Variants in PRELID2 observed in about 807,000 individuals in gnomAD.
The protein encoded by PRELID2 is PRELI domain-containing protein 2.
In PRELID2, 25 loss-of-function variants were observed where a neutral mutation model predicts 28.4. The observed-to-expected ratio is 0.88, with a 90% CI of 0.64 to 1.23. The LOEUF (loss-of-function observed/expected upper bound fraction) is 1.23. PRELID2 is among the 50% of genes most tolerant of loss of function. PRELID2 has a pLI of 0.00. For missense variants in PRELID2, 201 were observed against 214.4 expected, an observed-to-expected ratio of 0.94 and a Z score of 0.39; for synonymous variants, 76 against 71.6, an observed-to-expected ratio of 1.06 and a Z score of -0.31.
chr5:145,776,401 A>T (rs1473041342), intron 5 of PRELID2, among the ~76,000 whole-genome samples: 4 of 152,190 alleles, frequency 2.6e-5, no homozygotes, highest in African/African-American at 9.7e-5. Flanking sequence ...GACAATTCAG[A>T]TATGTTGAAG....
At chr5:145,372,868 A>C in the PRELID2 span, among the ~76,000 whole-genome samples, 2 of 105,382 alleles carry the variant, frequency 1.9e-5, no homozygotes, top group African/African-American at 3.4e-5. Flanking sequence ...TATTATATTA[A>C]TATATAATAT....
chr5:145,508,736 CT>C (rs2126639352), intron 1 of PRELID2, among the ~76,000 whole-genome samples: 1 of 152,198 alleles, frequency 6.6e-6, no homozygotes, highest in African/African-American at 2.4e-5. Context: ...TTGTTTACAT[CT>C]CAAGAGTTCT....
intron 1 of PRELID2, among the ~76,000 whole-genome samples, chr5:145,520,087 C>T (rs1286708568): frequency 6.6e-6 from 1 of 152,152 alleles, no homozygotes; most frequent in African/African-American, 2.4e-5. Context: ...GCAAAGCCAC[C>T]TATTTAGGTG....
chr5:145,753,103 C>T (rs953861787), downstream of PRELID2, among the ~76,000 whole-genome samples: 3 of 152,122 alleles, frequency 2.0e-5, no homozygotes, highest in Non-Finnish European at 2.9e-5. Flanking sequence ...ATCCTGGCAC[C>T]GGCACAAAGA....
the PRELID2 span, among the ~76,000 whole-genome samples, chr5:145,274,792 C>T: frequency 7.9e-5 from 12 of 152,024 alleles, no homozygotes; most frequent in Non-Finnish European, 2.9e-5. Context: ...GTAGAGAATG[C>T]GAGTCAATTA....
chr5:145,740,594 T>TATATATATATTATATATATAA, intron 1 of PRELID2, among the ~76,000 whole-genome samples: 1 of 1,934 alleles, frequency 5.2e-4, no homozygotes, highest in South Asian at 0.011. Context: ...TATATATAAA[T>TATATATATATTATATATATAA]ATATATATAT....
chr5:145,536,558 G>A (rs536897455), intron 1 of PRELID2, among the ~76,000 whole-genome samples: 182 of 151,934 alleles, frequency 1.2e-3, no homozygotes, highest in African/African-American at 4.1e-3. Flanking sequence ...TATTTCCTAT[G>A]TGGAGGGAAA....
At chr5:145,453,466 T>C in the PRELID2 span, among the ~76,000 whole-genome samples, 2 of 152,194 alleles carry the variant, frequency 1.3e-5, no homozygotes, top group African/African-American at 2.4e-5. Flanking sequence ...ATTTCGTTTA[T>C]TTATATTTTT....
Position 145,741,490 on chromosome 5 carries a change from A to ACTT in PRELID2, n.70+23440_70+23441insAAG, listed in dbSNP as rs1561567892. Among the ~76,000 whole-genome samples the ACTT allele has an allele frequency of 4.5e-3, 548 of 120,568 alleles. 30 individuals carry two copies. Among genetic ancestry groups the ACTT allele is most frequent in the African/African-American group, 0.018 (532 of 29,432 alleles). 79.1% of individuals were successfully genotyped at this position (120,568 alleles called of 152,430 possible). On this transcript the variant is annotated intron_variant and non_coding_transcript_variant, in intron 1 of 2. Coordinates refer to the PRELID2 transcript ENST00000510259. Reference sequence around the variant, plus strand: ...TATAAACAAAATTTATTTATAAATAAATTATATATAAAATTTATTTATAAA... The same window carrying ACTT: ...TATAAACAAAATTTATTTATAAATAACTTATTATATATAAAATTTATTTATAAA...
At chr5:145,488,769 C>T (rs189419936) in intron 1 of PRELID2, among the ~76,000 whole-genome samples, 1 of 152,216 alleles carries the variant, frequency 6.6e-6, no homozygotes, top group Non-Finnish European at 1.5e-5. Context: ...TCTATACAAT[C>T]GAGTTCATGG....
chr5:145,543,418 A>G (rs1371327433), intron 1 of PRELID2, among the ~76,000 whole-genome samples: 1 of 152,122 alleles, frequency 6.6e-6, no homozygotes, highest in Admixed American at 6.6e-5. Context: ...TATATTATAC[A>G]TGGATTTTTA....
the PRELID2 span, among the ~76,000 whole-genome samples, chr5:145,422,355 T>C: frequency 2.0e-5 from 3 of 152,126 alleles, no homozygotes; most frequent in Admixed American, 6.5e-5. Context: ...CCATTATTAA[T>C]GTGTGGGAGT....
the PRELID2 span, among the ~76,000 whole-genome samples, chr5:145,387,543 A>C: frequency 5.9e-5 from 9 of 152,204 alleles, no homozygotes; most frequent in African/African-American, 2.2e-4. Context: ...TCAATTAACC[A>C]GTAAAATGTC....
At chr5:145,591,887 C>A (rs1212252968) in intron 1 of PRELID2, among the ~76,000 whole-genome samples, 2 of 152,306 alleles carry the variant, frequency 1.3e-5, no homozygotes, top group East Asian at 3.9e-4. Flanking sequence ...TTAATGGCCA[C>A]TTGGTGATGA....
chr5:145,637,056 A>G (rs976964515), intron 1 of PRELID2, among the ~76,000 whole-genome samples: 5 of 152,142 alleles, frequency 3.3e-5, no homozygotes, highest in Non-Finnish European at 7.3e-5. Context: ...AATAAAGGTC[A>G]TATGCCTCAG....
At position 145,568,666 on chromosome 5, in the gene PRELID2, A is replaced by T. The variant is rs573221475; in HGVS notation, n.71-95351T>A. Reference sequence around the variant, plus strand: ...GGAGAAAGATAGTGTTTGCTATTGCACTTTTAGGTCTTCTTCTCCCTGGCC... The same window carrying T: ...GGAGAAAGATAGTGTTTGCTATTGCTCTTTTAGGTCTTCTTCTCCCTGGCC... On this transcript the variant is annotated intron_variant and non_coding_transcript_variant, in intron 1 of 2. Coordinates refer to the PRELID2 transcript ENST00000510259. Among the ~76,000 whole-genome samples the T allele has an allele frequency of 9.2e-5, 14 of 152,342 alleles. No homozygotes were observed. The South Asian group carries it at 2.9e-3, about 32-fold the overall frequency.
At chr5:145,452,732 G>T in the PRELID2 span, among the ~76,000 whole-genome samples, 1 of 152,026 alleles carries the variant, frequency 6.6e-6, no homozygotes, top group African/African-American at 2.4e-5. Context: ...AAGTCGTTGT[G>T]AAGGGAAGCA....
chr5:145,568,788 C>T (rs373145974), intron 1 of PRELID2, among the ~76,000 whole-genome samples: 2 of 152,200 alleles, frequency 1.3e-5, no homozygotes, highest in East Asian at 3.9e-4. Flanking sequence ...TCATTTCCTG[C>T]ATGCTAGCAC....
intron 1 of PRELID2, among the ~76,000 whole-genome samples, chr5:145,601,723 G>C (rs1166644996): frequency 1.3e-5 from 2 of 152,128 alleles, no homozygotes; most frequent in African/African-American, 4.8e-5. Flanking sequence ...AAGGTAGCTG[G>C]GAGACTGATG....
Sources: gnomAD v4.1 joint callset for allele counts (sites outside exome capture counted in the v4.1 genomes callset) on GRCh38, gnomAD v4.1.1 for gene constraint, MANE v1.5 for transcripts, NCBI Gene and HGNC (gene_info 2026-07-23, HGNC 2026-07-21) for gene names.